CHD1L: variants seen among roughly 807,000 people sequenced by gnomAD.
CHD1L encodes chromodomain helicase DNA binding protein 1 like.
Under a neutral mutation model 115.9 loss-of-function variants are expected in CHD1L, and 118 were observed. The observed-to-expected ratio is 1.02, with a 90% confidence interval of 0.88 to 1.19. The LOEUF (loss-of-function observed/expected upper bound fraction) is 1.19. Among genes scored for constraint, CHD1L ranks in the 50% most tolerant of loss-of-function variants. The pLI is 0.00. For missense variants in CHD1L, 1,179 were observed against 1,065.3 expected, an observed-to-expected ratio of 1.11 and a Z score of -1.49; for synonymous variants, 411 against 387.1, an observed-to-expected ratio of 1.06 and a Z score of -0.72.
At chr1:147,287,360 T>A (rs1683569561) in intron 18 of CHD1L, among the ~76,000 whole-genome samples, 1 of 152,188 alleles carries the variant, frequency 6.6e-6, no homozygotes, top group South Asian at 2.1e-4. Context: ...CCGCAGTCAT[T>A]TGCCAGGAAT....
chr1:147,184,019 T>C, the CHD1L span, among the ~76,000 whole-genome samples: 1 of 152,184 alleles, frequency 6.6e-6, no homozygotes, highest in Admixed American at 6.5e-5. The surrounding 1 kb of genome is among the most constrained non-coding windows in gnomAD (Gnocchi z 4.4). Flanking sequence ...TTCTCTATAA[T>C]TATAGTCTAT....
intron 19 of CHD1L, among the ~76,000 whole-genome samples, chr1:147,288,336 A>AAAAAAG (rs1684149354): frequency 6.9e-3 from 9 of 1,304 alleles, no homozygotes; most frequent in South Asian, 0.056. Flanking sequence ...AAAAAAAAAA[A>AAAAAAG]AAAAAAAAAA....
At chr1:147,290,776 C>T (rs1286786119) in intron 19 of CHD1L, among the ~76,000 whole-genome samples, 1 of 152,148 alleles carries the variant, frequency 6.6e-6, no homozygotes, top group Non-Finnish European at 1.5e-5. Context: ...ACCTCAGCCT[C>T]CCAAGTAGCT....
At chr1:147,263,428 C>CAAAAAAA in intron 6 of CHD1L, among the ~76,000 whole-genome samples, 1 of 124,470 alleles carries the variant, frequency 8.0e-6, no homozygotes, top group African/African-American at 3.1e-5. Flanking sequence ...GACCCTGTCT[C>CAAAAAAA]AAAAAAAAAA....
chr1:147,204,872 GT>G, the CHD1L span: 1 of 1,593,240 alleles, frequency 6.3e-7, no homozygotes, highest in Non-Finnish European at 8.6e-7. Flanking sequence ...TCTGAAAAGT[GT>G]TTCGCTCCCT....
chr1:147,254,734 C>T (rs1335408792), intron 2 of CHD1L, 136 bp from the exon 3 acceptor site: 16 of 526,810 alleles, frequency 3.0e-5, no homozygotes, highest in Admixed American at 1.8e-4. Context: ...CCCTGATATG[C>T]GGAAGTTCGT....
At chr1:147,242,375 T>G (rs1664997168), upstream of CHD1L, among the ~76,000 whole-genome samples, 1 of 152,302 alleles carries the variant, frequency 6.6e-6, no homozygotes, top group Non-Finnish European at 1.5e-5. Context: ...TAGTCGATGT[T>G]GATTAAATAA....
chr1:147,274,207 C>T (rs1292394383), intron 12 of CHD1L, among the ~76,000 whole-genome samples: 4 of 152,118 alleles, frequency 2.6e-5, no homozygotes, highest in Admixed American at 1.3e-4. Context: ...TGGGGAAAAT[C>T]GTAGCAACTA....
chr1:147,233,337 C>T, the CHD1L span, among the ~76,000 whole-genome samples: 1 of 151,450 alleles, frequency 6.6e-6, no homozygotes, highest in East Asian at 2.0e-4. Flanking sequence ...TGGGGATCAG[C>T]CCCTGCCAGG....
the CHD1L span, among the ~76,000 whole-genome samples, chr1:147,217,792 TC>T: frequency 6.6e-6 from 1 of 152,222 alleles, no homozygotes; most frequent in Non-Finnish European, 1.5e-5. Flanking sequence ...TTTTCCCATT[TC>T]CTGCAGAATA....
intron 18 of CHD1L, 122 bp from the exon 19 acceptor site, chr1:147,287,513 A>C (rs1439917245): frequency 1.5e-6 from 1 of 650,868 alleles, no homozygotes; most frequent in Admixed American, 2.9e-5. Context: ...GAGATAAGAT[A>C]TTTTGTTTCT....
intron 15 of CHD1L, among the ~76,000 whole-genome samples, chr1:147,282,359 C>G (rs1681234403): frequency 6.6e-6 from 1 of 152,172 alleles, no homozygotes; most frequent in African/African-American, 2.4e-5. Flanking sequence ...GCTCATGGCA[C>G]TCCTGCTCTT....
chr1:147,254,914 A>C lies in CHD1L; in HGVS notation c.285A>C (p.Glu95Asp). The C allele has an allele frequency of 6.2e-7, 1 of 1,611,130 alleles. No homozygotes were observed. Among genetic ancestry groups the C allele is most frequent in the Non-Finnish European group, 8.5e-7 (1 of 1,179,086 alleles). Residue 95 changes from glutamate (E) to aspartate (D), a missense_variant, in exon 3 of 23, where the codon GAA becomes GAC. Transcript: ENST00000369258. ...FIYLAGRLND[E>D]GPFLILCPLS... Reference sequence around the variant, plus strand: ...ATTTGGCAGGAAGATTAAATGATGAAGGGCCATTTCTGATTCTTTGTCCCT... The same window carrying C: ...ATTTGGCAGGAAGATTAAATGATGACGGGCCATTTCTGATTCTTTGTCCCT...
In CHD1L at chr1:147,276,161, G is replaced by A; in HGVS notation, c.1443G>A (p.Arg481=). 1 of 1,614,136 alleles carries A rather than the reference G, an allele frequency of 6.2e-7. No individual in the cohort carries two copies. The highest frequency in any genetic ancestry group is 1.3e-5 in the African/African-American group (1 of 75,018). Residue 481 remains arginine (R), a synonymous_variant, in exon 14 of 23, where the codon AGG becomes AGA. Transcript: ENST00000369258. ...GRDTVEEIVY[R]KAASKLQLTN... is the part of the protein sequence containing the mutation. Reference sequence around the variant, plus strand: ...ACACTGTGGAAGAAATAGTCTATAGGAAAGCAGCCTCCAAACTGCAGCTCA... The same window carrying A: ...ACACTGTGGAAGAAATAGTCTATAGAAAAGCAGCCTCCAAACTGCAGCTCA...
At chr1:147,276,064 C>G in intron 13 of CHD1L, 40 bp from the exon 14 acceptor site, 1 of 1,591,398 alleles carries the variant, frequency 6.3e-7, no homozygotes. Context: ...CAGCTTTGCA[C>G]ACCCTTATAG....
chr1:147,181,624 A>G, the CHD1L span, among the ~76,000 whole-genome samples: 1 of 152,144 alleles, frequency 6.6e-6, no homozygotes. Flanking sequence ...CTGAAGGTCT[A>G]CCTATGTTCA....
chr1:147,209,392 C>T, the CHD1L span, among the ~76,000 whole-genome samples: 9 of 141,842 alleles, frequency 6.3e-5, no homozygotes, highest in Admixed American at 2.2e-4. Context: ...GAGCCAAGAT[C>T]GCACCACTGC....
chr1:147,262,603 G>C (rs976275897), intron 6 of CHD1L, among the ~76,000 whole-genome samples: 8 of 151,832 alleles, frequency 5.3e-5, no homozygotes, highest in Admixed American at 6.6e-5. Context: ...CTGATGATTG[G>C]AAACATTACT....
chr1:147,204,985 C>G, the CHD1L span: 1 of 1,069,226 alleles, frequency 9.4e-7, no homozygotes, highest in East Asian at 2.4e-5. Flanking sequence ...CGCGGAGGAA[C>G]CAAAGGTTTT....
Sources: gnomAD v4.1 joint callset for allele counts (sites outside exome capture counted in the v4.1 genomes callset) on GRCh38, gnomAD v4.1.1 for gene constraint, Gnocchi (gnomAD v3.1) non-coding constraint, MANE v1.5 for transcripts, NCBI Gene and HGNC (gene_info 2026-07-23, HGNC 2026-07-21) for gene names.